The following KANK1 variants were observed in gnomAD, a reference collection of about 807,000 sequenced individuals.
KANK1 encodes KN motif and ankyrin repeat domain-containing protein 1.
In KANK1, 109 loss-of-function variants were observed where a neutral mutation model predicts 106.2. The observed-to-expected ratio is 1.03, with a 90% CI of 0.88 to 1.20. KANK1 has a LOEUF of 1.20. Ranked by LOEUF, KANK1 falls within the 50% of genes most tolerant of loss-of-function variation. The probability of loss-of-function intolerance (pLI) is 0.00; values close to 1 mark genes in which losing one functional copy is unlikely to be tolerated. For synonymous variants in KANK1, 873 were observed against 652.2 expected (o/e 1.34, Z -5.16); for missense variants, 2,399 against 1,710.7 (o/e 1.40, Z -7.10).
At chr9:608,411 A>G (rs554596772) in intron 1 of KANK1, among the ~76,000 whole-genome samples, 1 of 149,078 alleles carries the variant, frequency 6.7e-6, no homozygotes, top group African/African-American at 2.6e-5. Flanking sequence ...ATATTTGTGT[A>G]TTCTCTTAAA....
chr9:615,509 C>G (rs1253912294), intron 1 of KANK1, among the ~76,000 whole-genome samples: 1 of 152,056 alleles, frequency 6.6e-6, no homozygotes, highest in Non-Finnish European at 1.5e-5. Context: ...TGTTTCTTTT[C>G]TCTTTTTCTT....
In KANK1 at chr9:742,191, A is replaced by T. The variant is rs772725475; in HGVS notation, c.3697-14A>T. 3 of 1,613,310 alleles carry T rather than the reference A, an allele frequency of 1.9e-6. No individual in the cohort carries two copies. The highest frequency in any genetic ancestry group is 2.5e-6 in the Non-Finnish European group (3 of 1,179,428). On this transcript the variant is annotated splice_polypyrimidine_tract_variant and intron_variant, in intron 9 of 11. Transcript: ENST00000382297. The stretch of plus-strand genomic sequence containing the variant: ...AGTACGTACTTCTGAAGTCCTTGTC[A>T]TCTCTTCCCATAGGCGGGACAGACG...
chr9:643,944 G>GCACC (rs1274762272), intron 1 of KANK1, among the ~76,000 whole-genome samples: 1 of 150,726 alleles, frequency 6.6e-6, no homozygotes, highest in Non-Finnish European at 1.5e-5. Context: ...TTCAGTTGAG[G>GCACC]CACCCGCCTT....
At chr9:738,170 G>C in intron 7 of KANK1, 115 bp from the exon 8 acceptor site, 1 of 829,732 alleles carries the variant, frequency 1.2e-6, no homozygotes, top group Non-Finnish European at 1.9e-6. Context: ...TTTGAGAGCA[G>C]ATTCTAACTG....
chr9:720,816 C>T (rs771237152), intron 3 of KANK1, among the ~76,000 whole-genome samples: 4 of 152,110 alleles, frequency 2.6e-5, no homozygotes, highest in Non-Finnish European at 5.9e-5. Context: ...CTGTTTTTAT[C>T]CCTATTGTTC....
intron 2 of KANK1, chr9:681,037 G>A (rs1336019321): frequency 6.6e-6 from 1 of 152,204 alleles, no homozygotes; most frequent in Non-Finnish European, 1.5e-5. Context: ...AACATAGCCA[G>A]ACTCCATCTC....
At chr9:721,916 A>G (rs930685806) in intron 3 of KANK1, among the ~76,000 whole-genome samples, 7 of 152,228 alleles carry the variant, frequency 4.6e-5, no homozygotes, top group African/African-American at 1.2e-4. Flanking sequence ...AATGTTCCAT[A>G]AGCAAGAAGA....
intron 11 of KANK1, 110 bp from the exon 12 acceptor site, chr9:745,063 G>A: frequency 6.5e-7 from 1 of 1,534,878 alleles, no homozygotes; most frequent in Non-Finnish European, 8.8e-7. Flanking sequence ...TCCTGGCTCG[G>A]GCTCACAGCT....
intron 1 of KANK1, among the ~76,000 whole-genome samples, chr9:514,183 TCTCCCTCCCTTCCTCC>T (rs1563697049): frequency 3.6e-5 from 1 of 27,758 alleles, no homozygotes; most frequent in Non-Finnish European, 5.5e-5. Flanking sequence ...TCCCTTCCTC[TCTCCCTCCCTTCCTCC>T]CTCCCTCTCT....
chr9:652,093 T>C (rs369663229), intron 1 of KANK1, among the ~76,000 whole-genome samples: 1 of 152,202 alleles, frequency 6.6e-6, no homozygotes, highest in African/African-American at 2.4e-5. Context: ...CATTAGAATG[T>C]GTAGGCCCTA....
chr9:662,684 C>T (rs1301171434), intron 1 of KANK1, among the ~76,000 whole-genome samples: 1 of 89,220 alleles, frequency 1.1e-5, no homozygotes, highest in African/African-American at 6.8e-5. Context: ...TTTTTTGAGA[C>T]AGGGTCTTGC....
chr9:571,485 G>A (rs185179261), intron 1 of KANK1, among the ~76,000 whole-genome samples: 3 of 152,028 alleles, frequency 2.0e-5, no homozygotes, highest in Admixed American at 1.3e-4. Context: ...TTTAGCCAAG[G>A]AAGTCACATG....
chr9:673,197 C>CTTTTTTTTTTTTTTTTTTTTTTTTTT (rs1563964937), intron 1 of KANK1, among the ~76,000 whole-genome samples: 1 of 114,762 alleles, frequency 8.7e-6, no homozygotes. Flanking sequence ...GTGACAGTGT[C>CTTTTTTTTTTTTTTTTTTTTTTTTTT]TTCTTTTTTT....
chr9:547,470 A>G (rs1563749696), intron 1 of KANK1: 1 of 151,896 alleles, frequency 6.6e-6, no homozygotes, highest in Non-Finnish European at 1.5e-5. Context: ...AGTGTGTGCA[A>G]GCAATGAGAC....
chr9:517,968 C>A (rs2059365093), intron 1 of KANK1, among the ~76,000 whole-genome samples: 1 of 151,420 alleles, frequency 6.6e-6, no homozygotes, highest in Non-Finnish European at 1.5e-5. Context: ...GAACTCCTGA[C>A]CTCAAGTGAT....
intron 1 of KANK1, among the ~76,000 whole-genome samples, chr9:623,866 C>T (rs1398184168): frequency 6.6e-6 from 1 of 151,140 alleles, no homozygotes; most frequent in African/African-American, 2.5e-5. Context: ...ATCCAGCAGT[C>T]CCACTTGTGG....
chr9:705,614 G>A (rs1299742450), intron 2 of KANK1, among the ~76,000 whole-genome samples: 2 of 151,584 alleles, frequency 1.3e-5, no homozygotes, highest in East Asian at 1.9e-4. Context: ...GGGTGGGGGC[G>A]GAGATGAAGT....
intron 1 of KANK1, among the ~76,000 whole-genome samples, chr9:570,683 C>T (rs180766423): frequency 6.6e-6 from 1 of 152,310 alleles, no homozygotes; most frequent in East Asian, 1.9e-4. Flanking sequence ...TAATTGTCAT[C>T]TATACCAAGC....
At chr9:744,685 T>G (rs1466611365) in intron 11 of KANK1, 96 bp downstream of exon 11, 1 of 1,604,652 alleles carries the variant, frequency 6.2e-7, no homozygotes, top group Non-Finnish European at 8.5e-7. Context: ...AGATTTTATG[T>G]TGATTCAGAA....
Sources: gnomAD v4.1 joint callset for allele counts (sites outside exome capture counted in the v4.1 genomes callset) on GRCh38, gnomAD v4.1.1 for gene constraint, MANE v1.5 for transcripts, NCBI Gene and HGNC (gene_info 2026-07-23, HGNC 2026-07-21) for gene names.